Variants in SMYD3 observed in about 807,000 individuals in gnomAD.
SMYD3 encodes the protein SET and MYND domain containing 3.
In SMYD3, 36 loss-of-function variants were observed where a neutral mutation model predicts 57.7. The ratio of observed to expected loss-of-function variants is 0.62; its 90% CI spans 0.48 to 0.82. The LOEUF is 0.82. Among genes scored for constraint, SMYD3 ranks in the 40% least tolerant of loss-of-function variants. SMYD3 has a pLI of 0.00. For synonymous variants in SMYD3, 211 were observed against 195.0 expected, an observed-to-expected ratio of 1.08 and a Z score of -0.68; for missense variants, 515 against 538.8, an observed-to-expected ratio of 0.96 and a Z score of 0.44.
At chr1:245,953,147 A>G (rs2057718937) in intron 5 of SMYD3, 1 of 829,324 alleles carries the variant, frequency 1.2e-6, no homozygotes, top group East Asian at 1.2e-4. Context: ...TTATTTCCCC[A>G]AAGAGGAATT....
intron 5 of SMYD3, among the ~76,000 whole-genome samples, chr1:246,200,699 C>T (rs1229053334): frequency 7.4e-6 from 1 of 134,514 alleles, no homozygotes; most frequent in Non-Finnish European, 1.7e-5. Context: ...GGGATGGGAA[C>T]AACTAACAAT....
At chr1:246,381,231 AT>A (rs746344599) in intron 1 of SMYD3, among the ~76,000 whole-genome samples, 5 of 152,204 alleles carry the variant, frequency 3.3e-5, no homozygotes, top group Admixed American at 6.5e-5. Context: ...GGAACATTTC[AT>A]TCTTTAGCTG....
intron 10 of SMYD3, among the ~76,000 whole-genome samples, chr1:245,772,479 A>G (rs2046376496): frequency 6.6e-6 from 1 of 152,036 alleles, no homozygotes; most frequent in South Asian, 2.1e-4. Flanking sequence ...GTGAGATGCC[A>G]TCTCTACAAA....
chr1:246,453,353 A>G (rs1049440043), intron 1 of SMYD3, among the ~76,000 whole-genome samples: 7 of 152,242 alleles, frequency 4.6e-5, no homozygotes, highest in Non-Finnish European at 1.0e-4. Context: ...AATTCAAGGG[A>G]GAAAAAAGTT....
At chr1:245,930,088 C>T (rs545897422) in intron 5 of SMYD3, 151 bp from the exon 6 acceptor site, 13 of 649,406 alleles carry the variant, frequency 2.0e-5, no homozygotes, top group Non-Finnish European at 3.7e-5. Flanking sequence ...CTTTGACTTA[C>T]AACAGAATTT....
intron 1 of SMYD3, among the ~76,000 whole-genome samples, chr1:246,426,440 AC>A (rs2067219362): frequency 6.6e-6 from 1 of 152,168 alleles, no homozygotes; most frequent in Non-Finnish European, 1.5e-5. Flanking sequence ...CCAGCCCTAC[AC>A]AGCCACTAAT....
At chr1:245,935,512 G>T (rs974741791) in intron 5 of SMYD3, among the ~76,000 whole-genome samples, 7 of 152,086 alleles carry the variant, frequency 4.6e-5, no homozygotes. Context: ...CCTCAAAATA[G>T]AACTGCCATA....
chr1:246,318,873 T>G (rs1391972071), intron 5 of SMYD3, among the ~76,000 whole-genome samples: 1 of 152,246 alleles, frequency 6.6e-6, no homozygotes, highest in Admixed American at 6.5e-5. Context: ...GAAGTTTAGC[T>G]GGCATCTGGT....
chr1:246,469,052 C>T (rs547052384), intron 1 of SMYD3, among the ~76,000 whole-genome samples: 1 of 152,320 alleles, frequency 6.6e-6, no homozygotes, highest in East Asian at 1.9e-4. Flanking sequence ...TCAGTACCTC[C>T]ACATTCCATC....
intron 5 of SMYD3, among the ~76,000 whole-genome samples, chr1:246,230,954 C>A (rs10924578): frequency 6.6e-6 from 1 of 151,988 alleles, no homozygotes; most frequent in African/African-American, 2.4e-5. Flanking sequence ...AGTAGTATCT[C>A]TCTCAGTTAC....
chr1:245,932,064 A>C (rs755881074), intron 5 of SMYD3, among the ~76,000 whole-genome samples: 6 of 152,234 alleles, frequency 3.9e-5, no homozygotes, highest in Admixed American at 1.3e-4. Context: ...AATTTTAAAC[A>C]TTTTTAAATG....
At chr1:246,117,751 G>C (rs964228685) in intron 5 of SMYD3, among the ~76,000 whole-genome samples, 2 of 152,196 alleles carry the variant, frequency 1.3e-5, no homozygotes, top group Non-Finnish European at 2.9e-5. Flanking sequence ...AGGTAAACGT[G>C]TGCCATGGTG....
At chr1:246,437,179 T>A (rs1007255594) in intron 1 of SMYD3, among the ~76,000 whole-genome samples, 9 of 151,984 alleles carry the variant, frequency 5.9e-5, no homozygotes, top group African/African-American at 2.2e-4. Flanking sequence ...GATTTCAGAG[T>A]TTCTTACTGT....
chr1:246,491,366 C>G (rs74506770), intron 1 of SMYD3, among the ~76,000 whole-genome samples: 1 of 152,090 alleles, frequency 6.6e-6, no homozygotes, highest in African/African-American at 2.4e-5. Context: ...GGCAAAACTC[C>G]GTCTGTACTA....
intron 10 of SMYD3, among the ~76,000 whole-genome samples, chr1:245,805,475 G>C (rs2048105947): frequency 6.6e-6 from 1 of 152,178 alleles, no homozygotes; most frequent in Non-Finnish European, 1.5e-5. Context: ...TTTCTGAGCT[G>C]GTTAAACATT....
intron 5 of SMYD3, among the ~76,000 whole-genome samples, chr1:246,324,245 T>A (rs997608941): frequency 7.9e-5 from 12 of 151,552 alleles, no homozygotes; most frequent in African/African-American, 2.7e-4. Context: ...TGCAACGTTG[T>A]CTCTACTAAA....
chr1:245,763,866 A>C (rs986711618), intron 11 of SMYD3, among the ~76,000 whole-genome samples, 175 bp downstream of exon 11: 1 of 152,160 alleles, frequency 6.6e-6, no homozygotes, highest in African/African-American at 2.4e-5. Flanking sequence ...AAATAGGCAA[A>C]TGTCATGAAG....
At chr1:246,506,678 G>T (rs1453847460) in intron 1 of SMYD3, among the ~76,000 whole-genome samples, 1 of 152,144 alleles carries the variant, frequency 6.6e-6, no homozygotes, top group Non-Finnish European at 1.5e-5. Flanking sequence ...CGCCACGTGT[G>T]ATTTCCACAG....
intron 5 of SMYD3, among the ~76,000 whole-genome samples, chr1:246,189,363 G>A (rs1460526699): frequency 6.6e-6 from 1 of 152,216 alleles, no homozygotes; most frequent in Admixed American, 6.5e-5. Context: ...TACTCAGGAA[G>A]CAAGGGAACA....
Sources: gnomAD v4.1 joint callset for allele counts (sites outside exome capture counted in the v4.1 genomes callset) on GRCh38, gnomAD v4.1.1 for gene constraint, MANE v1.5 for transcripts, NCBI Gene and HGNC (gene_info 2026-07-23, HGNC 2026-07-21) for gene names.